Variants in PXDNL observed in about 807,000 individuals in gnomAD.
The protein encoded by PXDNL is peroxidasin like, also known as probable oxidoreductase PXDNL.
A neutral mutation model predicts 150.8 loss-of-function variants in PXDNL; 145 were observed. The observed-to-expected ratio is 0.96, with a 90% CI of 0.84 to 1.10. The LOEUF is 1.10. Among genes scored for constraint, PXDNL ranks in the 50% least tolerant of loss-of-function variants. PXDNL has a pLI of 0.00. For missense variants in PXDNL, 2,087 were observed against 1,873.9 expected, an observed-to-expected ratio of 1.11 and a Z score of -2.10; for synonymous variants, 757 against 725.7, an observed-to-expected ratio of 1.04 and a Z score of -0.69.
intron 21 of PXDNL, among the ~76,000 whole-genome samples, chr8:51,333,326 CA>C (rs1563361843): frequency 6.6e-6 from 1 of 152,166 alleles, no homozygotes; most frequent in African/African-American, 2.4e-5. Flanking sequence ...CAAGAACTGC[CA>C]AAAGGAGCTC....
intron 2 of PXDNL, among the ~76,000 whole-genome samples, chr8:51,645,467 G>A (rs12114229): frequency 0.073 from 11,113 of 152,176 alleles, 1,352 homozygotes; most frequent in African/African-American, 0.25. Context: ...AGGATCACAC[G>A]GCTGCTTGAG....
intron 1 of PXDNL, among the ~76,000 whole-genome samples, chr8:51,660,912 C>T (rs1815257609): frequency 6.6e-6 from 1 of 152,170 alleles, no homozygotes; most frequent in African/African-American, 2.4e-5. Context: ...CTCCAGCTCC[C>T]CGCCACAACC....
intron 17 of PXDNL, 62 bp from the exon 18 acceptor site, chr8:51,374,793 T>C: frequency 6.5e-7 from 1 of 1,545,444 alleles, no homozygotes; most frequent in Non-Finnish European, 8.8e-7. Flanking sequence ...AAAATATTCC[T>C]TATGTGAATG....
rs548987277 is a variant in PXDNL, at chr8:51,721,621, C to A, written c.165-66861G>T. The A allele has an allele frequency of 4.5e-4, 160 of 353,900 alleles. 1 individual carries two copies. The highest frequency in any genetic ancestry group is 4.6e-4 in the East Asian group (6 of 12,924). The allele number at this position is 353,900 out of a possible 1,614,324, so 21.9% of individuals were successfully genotyped here. A position where few individuals can be genotyped will look rare whatever the true frequency, so the allele number is the denominator to read the frequency against. ...CACGTTGTGCACATGTACCCTAAAA[C>A]TTAAAGTATAATAATAATAAAATTA... On this transcript the variant is annotated intron_variant, in intron 1 of 22. Transcript: ENST00000356297.
chr8:51,532,659 C>T (rs965741618), intron 4 of PXDNL, among the ~76,000 whole-genome samples: 1 of 152,106 alleles, frequency 6.6e-6, no homozygotes. Flanking sequence ...AATGTAAAGG[C>T]TTCAGACAGC....
intron 14 of PXDNL, among the ~76,000 whole-genome samples, chr8:51,415,595 A>T (rs1030630038): frequency 1.9e-4 from 29 of 152,190 alleles, no homozygotes; most frequent in Admixed American, 2.0e-4. Context: ...TGAGATATGG[A>T]CAGGGACACA....
At chr8:51,677,554 T>G (rs1815651378) in intron 1 of PXDNL, among the ~76,000 whole-genome samples, 1 of 152,178 alleles carries the variant, frequency 6.6e-6, no homozygotes, top group Non-Finnish European at 1.5e-5. Flanking sequence ...ATATTTCCGG[T>G]ATGCAATAGA....
chr8:51,553,771 T>TATATATATATATAC (rs1236843720), intron 4 of PXDNL, among the ~76,000 whole-genome samples: 6 of 63,852 alleles, frequency 9.4e-5, no homozygotes, highest in African/African-American at 4.7e-4. Flanking sequence ...TATATATATA[T>TATATATATATATAC]ACACACACTG....
At chr8:51,512,114 G>C (rs1004839164) in intron 4 of PXDNL, among the ~76,000 whole-genome samples, 9 of 152,202 alleles carry the variant, frequency 5.9e-5, no homozygotes, top group African/African-American at 2.2e-4. Context: ...GTGGGCAGGT[G>C]TGCACAATTT....
chr8:51,385,374 T>C (rs1343015365), intron 17 of PXDNL, among the ~76,000 whole-genome samples: 5 of 152,090 alleles, frequency 3.3e-5, no homozygotes, highest in Non-Finnish European at 5.9e-5. Context: ...ACAATGTCAT[T>C]AAATGTTATG....
At chr8:51,534,240 C>A (rs1411262365) in intron 4 of PXDNL, among the ~76,000 whole-genome samples, 1 of 137,470 alleles carries the variant, frequency 7.3e-6, no homozygotes, top group African/African-American at 3.3e-5. Flanking sequence ...AGGAAACCCT[C>A]CGCCTGGCAA....
intron 1 of PXDNL, among the ~76,000 whole-genome samples, chr8:51,711,090 G>T (rs1384398394): frequency 6.6e-6 from 1 of 152,180 alleles, no homozygotes; most frequent in African/African-American, 2.4e-5. Flanking sequence ...ACAGTTTACA[G>T]ATATCATGGT....
intron 1 of PXDNL, 42 bp from the exon 2 acceptor site, chr8:51,654,802 C>T: frequency 1.4e-6 from 2 of 1,439,924 alleles, no homozygotes; most frequent in Non-Finnish European, 2.0e-6. Context: ...AATATGTTGA[C>T]TGCATTCTGC....
chr8:51,698,234 G>A (rs145920289), intron 1 of PXDNL, among the ~76,000 whole-genome samples: 110 of 152,334 alleles, frequency 7.2e-4, no homozygotes, highest in African/African-American at 2.4e-3. Flanking sequence ...AATGCTGTCA[G>A]ATAGTATTTT....
chr8:51,752,261 G>C (rs2130978274), intron 1 of PXDNL, among the ~76,000 whole-genome samples: 1 of 152,258 alleles, frequency 6.6e-6, no homozygotes, highest in African/African-American at 2.4e-5. Context: ...GGTTTGGGGA[G>C]CTCTTTTGGA....
chr8:51,327,881 C>G (rs1242582520), intron 21 of PXDNL, among the ~76,000 whole-genome samples: 1 of 151,896 alleles, frequency 6.6e-6, no homozygotes, highest in Non-Finnish European at 1.5e-5. Flanking sequence ...TCTGAAGAGA[C>G]AGGAGGATAA....
intron 1 of PXDNL, among the ~76,000 whole-genome samples, chr8:51,749,455 C>T (rs1243234129): frequency 6.6e-6 from 1 of 152,140 alleles, no homozygotes; most frequent in Non-Finnish European, 1.5e-5. Context: ...GAAACTGAAA[C>T]ATATTGGTAA....
Position 51,339,661 on chromosome 8 carries a change from G to T in PXDNL, c.4109C>A (p.Ala1370Glu). Residue 1370 changes from alanine to glutamate, a missense_variant, in exon 21 of 23, where the codon GCG becomes GAG. Coordinates refer to ENST00000356297, the MANE Select transcript of PXDNL (RefSeq NM_144651.5). ...TGCTGTGATGGTTTCCTGAATTTCCGCTGCAAACGTGCTGAAATCTTGGGA... is the reference window on the plus strand; with the variant it reads ...TGCTGTGATGGTTTCCTGAATTTCCTCTGCAAACGTGCTGAAATCTTGGGA... ...KFSQDFSTFA[A>E]EIQETITALR... 6.2e-7 allele frequency: 1 copy of T among 1,613,612 alleles called. No homozygotes were observed. Among genetic ancestry groups the T allele is most frequent in the Non-Finnish European group, 8.5e-7 (1 of 1,179,704 alleles).
At chr8:51,364,869 T>G (rs910488009) in intron 19 of PXDNL, among the ~76,000 whole-genome samples, 3 of 152,346 alleles carry the variant, frequency 2.0e-5, no homozygotes, top group African/African-American at 7.2e-5. Context: ...GATTAGAAAT[T>G]TATCCCTCAT....
Sources: allele counts gnomAD v4.1 joint callset (sites outside exome capture counted in the v4.1 genomes callset), GRCh38; gene constraint gnomAD v4.1.1; transcripts MANE v1.5; gene names NCBI Gene and HGNC (gene_info 2026-07-23, HGNC 2026-07-21).